DENND4A: variants seen among roughly 807,000 people sequenced by gnomAD.
The protein encoded by DENND4A is C-myc promoter-binding protein.
DENND4A carries 70 observed loss-of-function variants against 199.3 expected under a neutral mutation model. The observed-to-expected ratio is 0.35, with a 90% CI of 0.29 to 0.43. The LOEUF (loss-of-function observed/expected upper bound fraction) is 0.43, where lower values mean the gene tolerates loss of function less well. Ranked by LOEUF, DENND4A falls within the 20% of genes least tolerant of loss-of-function variation. The probability of loss-of-function intolerance (pLI) is 1.00; values close to 1 mark genes in which losing one functional copy is unlikely to be tolerated. For synonymous variants in DENND4A, 686 were observed against 766.9 expected, an observed-to-expected ratio of 0.89 and a Z score of 1.74; for missense variants, 1,723 against 2,255.8, an observed-to-expected ratio of 0.76 and a Z score of 4.78.
At chr15:65,786,432 T>C (rs944789492) in intron 1 of DENND4A, among the ~76,000 whole-genome samples, 1 of 152,120 alleles carries the variant, frequency 6.6e-6, no homozygotes, top group African/African-American at 2.4e-5. Context: ...CCACCTTATA[T>C]AAATTAGCTC....
intron 1 of DENND4A, among the ~76,000 whole-genome samples, chr15:65,776,573 C>G (rs2077289825): frequency 6.6e-6 from 1 of 152,170 alleles, no homozygotes; most frequent in African/African-American, 2.4e-5. Flanking sequence ...ACACACCTAT[C>G]CTCTGAGAAT....
chr15:65,727,347 G>T (rs1017587896), intron 11 of DENND4A, among the ~76,000 whole-genome samples: 2 of 151,768 alleles, frequency 1.3e-5, no homozygotes, highest in African/African-American at 4.8e-5. Flanking sequence ...CAGCTACTTG[G>T]GAGGCTGAGG....
chr15:65,751,862 T>C (rs1028840880), intron 4 of DENND4A, among the ~76,000 whole-genome samples: 10 of 152,082 alleles, frequency 6.6e-5, no homozygotes, highest in African/African-American at 2.4e-4. Context: ...CAGAATATAC[T>C]CAACTCTTTT....
intron 4 of DENND4A, among the ~76,000 whole-genome samples, 195 bp from the exon 5 acceptor site, chr15:65,741,979 C>T (rs1305270814): frequency 1.3e-5 from 2 of 152,108 alleles, no homozygotes; most frequent in East Asian, 1.9e-4. Flanking sequence ...AAGTAAATTA[C>T]TACTTTTTTC....
chr15:65,765,758 T>C (rs886581337), intron 1 of DENND4A, among the ~76,000 whole-genome samples: 2 of 152,176 alleles, frequency 1.3e-5, no homozygotes, highest in Non-Finnish European at 2.9e-5. Context: ...CATAAAACCA[T>C]GTATCCATTA....
intron 1 of DENND4A, among the ~76,000 whole-genome samples, chr15:65,762,196 C>A (rs2076869000): frequency 6.6e-6 from 1 of 152,100 alleles, no homozygotes; most frequent in South Asian, 2.1e-4. Context: ...CAGTAGAGAC[C>A]AGGTTTCTCC....
Position 65,737,821 on chromosome 15 carries a change from G to A in DENND4A, c.926C>T (p.Thr309Ile). The A allele has an allele frequency of 6.2e-7, 1 of 1,601,340 alleles. No homozygotes were observed. The highest frequency in any genetic ancestry group is 8.5e-7 in the Non-Finnish European group (1 of 1,173,410). The change falls in exon 7 of 33, where the codon ACT becomes ATT. Residue 309 changes from threonine to isoleucine, a missense_variant. By Grantham distance (89) the Thr-to-Ile change is moderately conservative (BLOSUM62 -1). This residue lies in a region of DENND4A where 725 missense variants were observed against 952.9 expected (regional missense o/e 0.76). Coordinates refer to ENST00000443035, the MANE Select transcript of DENND4A (RefSeq NM_001320835.1). Reference sequence around the variant, plus strand: ...AGAAAGAAGACAGATGCATTTGTTAGTATGAATTGTTTTGGAACTATCAGA... The same window carrying A: ...AGAAAGAAGACAGATGCATTTGTTAATATGAATTGTTTTGGAACTATCAGA... Reference protein sequence around the residue: ...GKSDSSKTIHTNKCICLLSHW... With the variant: ...GKSDSSKTIHINKCICLLSHW...
intron 23 of DENND4A, among the ~76,000 whole-genome samples, chr15:65,683,751 T>C (rs944581427): frequency 3.3e-5 from 5 of 152,212 alleles, no homozygotes; most frequent in African/African-American, 9.6e-5. Context: ...TTAATTTTCA[T>C]GTCATAACAT....
At chr15:65,686,866 TA>T (rs55817012) in intron 23 of DENND4A, among the ~76,000 whole-genome samples, 1,627 of 141,704 alleles carry the variant, frequency 0.011, 11 homozygotes, top group African/African-American at 0.013. Context: ...TAGTTAAAAT[TA>T]AAAAAAAAAA....
At chr15:65,748,285 G>T (rs1054352813) in intron 4 of DENND4A, among the ~76,000 whole-genome samples, 5 of 150,958 alleles carry the variant, frequency 3.3e-5, no homozygotes, top group Non-Finnish European at 7.4e-5. Context: ...CAAAATCCAC[G>T]CAAGATAGGG....
At chr15:65,731,321 C>A (rs1361855251) in intron 9 of DENND4A, 3 of 353,748 alleles carry the variant, frequency 8.5e-6, no homozygotes, top group East Asian at 7.2e-5. Context: ...AAATTAATTG[C>A]ATTTGAATGT....
chr15:65,752,727 G>A lies in DENND4A; in HGVS notation c.312-99C>T, dbSNP rs1337239082. ...ACTGATCCTTAAATGTAGTAGCATG[G>A]TAAAAATATTCCAATCTTACTGCAA... On this transcript the variant is annotated intron_variant, in intron 3 of 32. Coordinates refer to ENST00000443035, the MANE Select transcript of DENND4A (RefSeq NM_001320835.1). 3 of 745,926 alleles carry A rather than the reference G, an allele frequency of 4.0e-6. No homozygotes were observed. In the East Asian group the frequency reaches 8.5e-5, roughly 21 times the overall value. The allele number at this position is 745,926 out of a possible 1,614,324, so 46.2% of individuals were successfully genotyped here.
intron 21 of DENND4A, 113 bp downstream of exon 21, chr15:65,697,152 GAA>G (rs2077174184): frequency 4.6e-6 from 3 of 653,492 alleles, no homozygotes; most frequent in Non-Finnish European, 7.7e-6. Flanking sequence ...TGGTAGAAAA[GAA>G]AGAGTTATAA....
rs769407945 is a variant in DENND4A, at chr15:65,696,349, C to T, written c.3082+17G>A. The T allele has an allele frequency of 3.7e-6, 6 of 1,608,158 alleles. No individual in the cohort carries two copies. The highest frequency in any genetic ancestry group is 1.3e-5 in the African/African-American group (1 of 74,654). On this transcript the variant is annotated intron_variant, in intron 22 of 32. Coordinates refer to ENST00000443035, the MANE Select transcript of DENND4A (RefSeq NM_001320835.1). ...CAATTTATTCCGCACATAACACAAG[C>T]GTACTATTCAACTTACCCATGCTTT... is the stretch of plus-strand genomic sequence containing the variant.
Position 65,772,034 on chromosome 15 carries a change from C to G in DENND4A, c.-101-10596G>C, listed in dbSNP as rs550345475. 3,051 of 1,347,962 alleles carry G rather than the reference C, an allele frequency of 2.3e-3. 15 individuals are homozygous for G. The highest frequency in any genetic ancestry group is 0.01 in the South Asian group (862 of 83,006). The allele number at this position is 1,347,962 out of a possible 1,614,324, so 83.5% of individuals were successfully genotyped here. On this transcript the variant is annotated intron_variant, in intron 1 of 32. Coordinates refer to ENST00000443035, the MANE Select transcript of DENND4A (RefSeq NM_001320835.1). ...CGCAGGCCAAGGGCAGTGGGTAGAG[C>G]TTCTCGGCCTTCTGCAGGAAACGCT...
At chr15:65,731,612 A>T (rs1364655227) in intron 9 of DENND4A, 30 bp downstream of exon 9, 1 of 1,473,170 alleles carries the variant, frequency 6.8e-7, no homozygotes, top group South Asian at 1.3e-5. Context: ...AGATTGAGAG[A>T]AAAATAAATA....
At chr15:65,709,552 G>A (rs935050536) in intron 14 of DENND4A, among the ~76,000 whole-genome samples, 6 of 151,398 alleles carry the variant, frequency 4.0e-5, no homozygotes, top group Non-Finnish European at 5.9e-5. Context: ...AAATTAGCCA[G>A]GTGTGGTGGC....
chr15:65,701,268 T>A (rs2074858531), intron 18 of DENND4A, 76 bp from the exon 19 acceptor site: 1 of 1,262,376 alleles, frequency 7.9e-7, no homozygotes, highest in African/African-American at 1.5e-5. Flanking sequence ...AGAATTAAGC[T>A]AAAGAATATC....
intron 2 of DENND4A, among the ~76,000 whole-genome samples, chr15:65,756,764 A>AGTG (rs2076712616): frequency 6.6e-6 from 1 of 152,204 alleles, no homozygotes; most frequent in African/African-American, 2.4e-5. Flanking sequence ...GGCCAGGTGC[A>AGTG]GTGGCTCACG....
Sources: allele counts gnomAD v4.1 joint callset (sites outside exome capture counted in the v4.1 genomes callset), GRCh38; gene constraint gnomAD v4.1.1; regional missense constraint gnomAD v4.1.1; transcripts MANE v1.5; gene names NCBI Gene and HGNC (gene_info 2026-07-23, HGNC 2026-07-21).